PTDSS2: variants seen among roughly 807,000 people sequenced by gnomAD.
PTDSS2 encodes the protein phosphatidylserine synthase 2, also known as PSS-2.
Under a neutral mutation model 64.7 loss-of-function variants are expected in PTDSS2, and 41 were observed. That is an observed-to-expected ratio of 0.63 (90% confidence interval 0.49 to 0.82). PTDSS2 has a LOEUF of 0.82. Ranked by LOEUF, PTDSS2 falls within the 40% of genes least tolerant of loss-of-function variation. The pLI is 0.00. For synonymous variants in PTDSS2, 297 were observed against 277.8 expected (o/e 1.07, Z -0.69); for missense variants, 485 against 650.0 (o/e 0.75, Z 2.76).
chr11:474,253 C>CCT (rs1457250406), intron 3 of PTDSS2, among the ~76,000 whole-genome samples: 1 of 152,188 alleles, frequency 6.6e-6, no homozygotes, highest in Non-Finnish European at 1.5e-5. Flanking sequence ...GCTTCTGCCT[C>CCT]CTCTTTCCAC....
At chr11:485,343 G>C (rs1416495299) in intron 4 of PTDSS2, among the ~76,000 whole-genome samples, 3 of 138,564 alleles carry the variant, frequency 2.2e-5, no homozygotes, top group African/African-American at 8.2e-5. Flanking sequence ...GCGCGTGTGT[G>C]CTCACTGCGC....
chr11:471,510 G>A (rs1282390526), intron 2 of PTDSS2, among the ~76,000 whole-genome samples: 7 of 152,288 alleles, frequency 4.6e-5, no homozygotes, highest in Non-Finnish European at 7.3e-5. Flanking sequence ...AGCATGCCGT[G>A]TGGGGGCTGC....
At chr11:468,861 G>A (rs920722438) in intron 2 of PTDSS2, among the ~76,000 whole-genome samples, 2 of 148,066 alleles carry the variant, frequency 1.4e-5, no homozygotes, top group Non-Finnish European at 3.0e-5. Flanking sequence ...GAGATGGAGG[G>A]GAGTCTCTGA....
intron 4 of PTDSS2, among the ~76,000 whole-genome samples, chr11:484,810 CGT>C (rs146654898): frequency 0.12 from 15,453 of 128,416 alleles, 961 homozygotes; most frequent in Non-Finnish European, 0.14. Context: ...TGCACGGGCG[CGT>C]GTGCTCACCG....
intron 3 of PTDSS2, among the ~76,000 whole-genome samples, chr11:475,433 CATTCACGCGTTTGTGTGATACGGAT>C (rs1564980333): frequency 1.6e-5 from 1 of 63,512 alleles, no homozygotes; most frequent in African/African-American, 8.6e-5. Flanking sequence ...TGTGTACAGA[CATTCACGCGTTTGTGTGATACGGAT>C]ATATTCACGC....
At chr11:449,666 C>G (rs985329217), upstream of PTDSS2, among the ~76,000 whole-genome samples, 3 of 152,150 alleles carry the variant, frequency 2.0e-5, no homozygotes, top group Non-Finnish European at 2.9e-5. Context: ...TGACCCAGAC[C>G]GGTCCGGGCG....
rs1461487273 is a variant in PTDSS2 at position 490,415 on chromosome 11, C to T, written c.1302-5C>T. On this transcript the variant is annotated splice_polypyrimidine_tract_variant and splice_region_variant and intron_variant, in intron 11 of 11. Coordinates refer to ENST00000308020, the MANE Select transcript of PTDSS2 (RefSeq NM_030783.3). ...CAGGTGGTGACGCTGCATCCCGCTC[C>T]CCAGGGACATCACATTGAGGTACAA... 1.2e-6 allele frequency: 2 copies of T among 1,613,054 alleles called. No homozygotes were observed. The highest frequency in any genetic ancestry group is 2.7e-5 in the African/African-American group (2 of 74,904).
At chr11:456,558 AAGGGTGGGCCTCATGG>A (rs1324392367) in intron 1 of PTDSS2, among the ~76,000 whole-genome samples, 3 of 152,090 alleles carry the variant, frequency 2.0e-5, no homozygotes, top group East Asian at 3.9e-4. Flanking sequence ...GTATGGAGGA[AAGGGTGGGCCTCATGG>A]AGGGGCAGGC....
intron 3 of PTDSS2, among the ~76,000 whole-genome samples, chr11:477,739 C>T (rs986215184): frequency 2.0e-5 from 3 of 152,234 alleles, no homozygotes; most frequent in African/African-American, 7.2e-5. Context: ...GCACCTGCTC[C>T]GAAGGCGTCC....
intron 2 of PTDSS2, chr11:463,501 C>T (rs1846993948): frequency 6.7e-6 from 1 of 149,256 alleles, no homozygotes; most frequent in African/African-American, 2.5e-5. Flanking sequence ...TGTAGCCTCG[C>T]CTCCCCAAGC....
chr11:488,734 C>T, intron 8 of PTDSS2, 87 bp downstream of exon 8: 1 of 933,608 alleles, frequency 1.1e-6, no homozygotes, highest in Non-Finnish European at 1.8e-6. Context: ...ACCCCGAGCA[C>T]CAGGCCCGTC....
At chr11:487,510 T>G (rs747106198) in intron 6 of PTDSS2, 40 bp downstream of exon 6, 7 of 1,588,694 alleles carry the variant, frequency 4.4e-6, no homozygotes, top group Non-Finnish European at 5.2e-6. Context: ...GCCCCGGTTC[T>G]GAGGCCTGCC....
intron 1 of PTDSS2, among the ~76,000 whole-genome samples, chr11:454,316 C>T (rs573429689): frequency 4.3e-4 from 65 of 152,264 alleles, no homozygotes; most frequent in Non-Finnish European, 8.2e-4. Context: ...CACTCGGTGG[C>T]CACCTCAATG....
chr11:486,836 A>G, intron 4 of PTDSS2, 103 bp from the exon 5 acceptor site: 2 of 1,438,742 alleles, frequency 1.4e-6, no homozygotes, highest in South Asian at 2.9e-5. Context: ...CGACAGAGCG[A>G]GACTCCATCT....
intron 4 of PTDSS2, 142 bp from the exon 5 acceptor site, chr11:486,797 C>T (rs1848412335): frequency 9.4e-7 from 1 of 1,062,506 alleles, no homozygotes; most frequent in African/African-American, 1.6e-5. Flanking sequence ...GCAGTGAGCC[C>T]AGTTCACGCC....
intron 8 of PTDSS2, 134 bp from the exon 9 acceptor site, chr11:489,266 C>T (rs577140532): frequency 3.3e-5 from 23 of 700,432 alleles, no homozygotes; most frequent in Admixed American, 2.3e-4. Flanking sequence ...CAGGGCGGGG[C>T]GGGGTGACCA....
rs1431601744 is a variant in PTDSS2, at chr11:470,099, C to T, written c.285-3796C>T. Among the ~76,000 whole-genome samples the T allele has an allele frequency of 1.3e-5, 2 of 152,154 alleles. No homozygotes were observed. Among genetic ancestry groups the T allele is most frequent in the Non-Finnish European group, 1.5e-5 (1 of 68,012 alleles). On this transcript the variant is annotated intron_variant, in intron 2 of 11. Coordinates refer to ENST00000308020, the MANE Select transcript of PTDSS2 (RefSeq NM_030783.3). The surrounding 1 kb of genome is among the most constrained non-coding windows in gnomAD (Gnocchi z 5.3). Reference sequence around the variant, plus strand: ...CCCATTCCAGGAGCTGGCGTGAGCTCCCGGCACCGCTGTGCGCTGCGCGTG... The same window carrying T: ...CCCATTCCAGGAGCTGGCGTGAGCTTCCGGCACCGCTGTGCGCTGCGCGTG...
chr11:468,864 GTC>G (rs147100185), intron 2 of PTDSS2, among the ~76,000 whole-genome samples: 5,867 of 146,482 alleles, frequency 0.04, 161 homozygotes, highest in Middle Eastern at 0.065. Context: ...ATGGAGGGGA[GTC>G]TCTGAATAAT....
chr11:478,889 GA>G (rs936732062), intron 3 of PTDSS2, among the ~76,000 whole-genome samples, 195 bp from the exon 4 acceptor site: 12 of 152,108 alleles, frequency 7.9e-5, no homozygotes, highest in Admixed American at 3.3e-4. Flanking sequence ...AAAAAATGAA[GA>G]AAAAAAATTC....
Sources: allele counts gnomAD v4.1 joint callset (sites outside exome capture counted in the v4.1 genomes callset), GRCh38; gene constraint gnomAD v4.1.1; non-coding constraint Gnocchi (gnomAD v3.1); transcripts MANE v1.5; gene names NCBI Gene and HGNC (gene_info 2026-07-23, HGNC 2026-07-21).